SSX2IP: variants seen among roughly 807,000 people sequenced by gnomAD.
SSX2IP encodes afadin- and alpha-actinin-binding protein.
SSX2IP carries 55 observed loss-of-function variants against 84.9 expected under a neutral mutation model. The ratio of observed to expected loss-of-function variants is 0.65; its 90% confidence interval spans 0.52 to 0.81. The LOEUF (loss-of-function observed/expected upper bound fraction) is 0.81, where lower values mean the gene tolerates loss of function less well. Among genes scored for constraint, SSX2IP ranks in the 30% least tolerant of loss-of-function variants. The pLI is 0.00. For missense variants in SSX2IP, 664 were observed against 705.2 expected (o/e 0.94, Z 0.66); for synonymous variants, 239 against 234.7 (o/e 1.02, Z -0.17).
Position 84,647,114 on chromosome 1 carries a change from A to C in SSX2IP, c.*319T>G, listed in dbSNP as rs1275079756. The C allele has an allele frequency of 1.6e-5, 3 of 185,206 alleles. No homozygotes were observed. Among genetic ancestry groups the C allele is most frequent in the African/African-American group, 7.0e-5 (3 of 43,034 alleles). The allele number at this position is 185,206 out of a possible 1,614,324, so 11.5% of individuals were successfully genotyped here. A position where few individuals can be genotyped will look rare whatever the true frequency, so the allele number is the denominator to read the frequency against. ...TGAGACAAAATTAAACATTTACAATAATCAGTTTCCTAAAAGTGCTATTTT... is the reference window on the plus strand; with the variant it reads ...TGAGACAAAATTAAACATTTACAATCATCAGTTTCCTAAAAGTGCTATTTT... On this transcript the variant is annotated 3_prime_UTR_variant, in exon 14 of 14. Coordinates refer to ENST00000342203, the MANE Select transcript of SSX2IP (RefSeq NM_001166293.2).
At chr1:84,678,258 A>T (rs1002155454) in intron 1 of SSX2IP, among the ~76,000 whole-genome samples, 1 of 152,228 alleles carries the variant, frequency 6.6e-6, no homozygotes, top group African/African-American at 2.4e-5. Flanking sequence ...TTTGCAGCCA[A>T]CAGTACCTGA....
intron 1 of SSX2IP, among the ~76,000 whole-genome samples, chr1:84,671,881 T>C (rs537477857): frequency 6.6e-5 from 10 of 152,346 alleles, no homozygotes; most frequent in East Asian, 5.8e-4. Context: ...TTCAAAAATA[T>C]TATCCTAATA....
At chr1:84,651,180 G>A (rs182161335) in intron 12 of SSX2IP, among the ~76,000 whole-genome samples, 2 of 152,240 alleles carry the variant, frequency 1.3e-5, no homozygotes, top group Admixed American at 1.3e-4. Flanking sequence ...ATCTGGGTAT[G>A]GTGGTGTGTG....
chr1:84,667,709 A>G (rs1376356032), intron 4 of SSX2IP, among the ~76,000 whole-genome samples: 1 of 152,048 alleles, frequency 6.6e-6, no homozygotes, highest in Non-Finnish European at 1.5e-5. Context: ...TGGTTCCTCT[A>G]AAGTGCAGTG....
Position 84,658,402 on chromosome 1 carries a change from C to G in SSX2IP, c.994G>C (p.Glu332Gln). Reference sequence around the variant, plus strand: ...TTTGTAAGCTGCTCTCTCACAGTTTCACAGGAAAGGTCCCACATACTCTCT... The same window carrying G: ...TTTGTAAGCTGCTCTCTCACAGTTTGACAGGAAAGGTCCCACATACTCTCT... Reference protein sequence around the residue: ...SRESMWDLSCETVREQLTNSI... With the variant: ...SRESMWDLSCQTVREQLTNSI... Residue 332 changes from glutamate to glutamine, a missense_variant, in exon 9 of 14, where the codon GAA becomes CAA. Coordinates refer to ENST00000342203, the MANE Select transcript of SSX2IP (RefSeq NM_001166293.2). 1.2e-6 allele frequency: 2 copies of G among 1,614,134 alleles called. No homozygotes were observed. The highest frequency in any genetic ancestry group is 1.7e-6 in the Non-Finnish European group (2 of 1,180,028).
intron 13 of SSX2IP, chr1:84,649,872 C>A: frequency 2.0e-6 from 1 of 508,532 alleles, no homozygotes; most frequent in South Asian, 1.5e-5. Flanking sequence ...GGTGGAGAGC[C>A]ATGTTTTTTT....
intron 8 of SSX2IP, among the ~76,000 whole-genome samples, chr1:84,659,165 T>G (rs1397783661): frequency 6.6e-6 from 1 of 152,196 alleles, no homozygotes; most frequent in East Asian, 1.9e-4. Flanking sequence ...GGCAGAGAGA[T>G]ATACTTCACT....
chr1:84,654,355 G>A (rs1284974282), intron 11 of SSX2IP, among the ~76,000 whole-genome samples: 1 of 151,860 alleles, frequency 6.6e-6, no homozygotes, highest in African/African-American at 2.4e-5. Flanking sequence ...CTAAACACTA[G>A]GAGAAATGGA....
Position 84,671,221 on chromosome 1 carries a change from G to C in SSX2IP, c.-2C>G. On this transcript the variant is annotated 5_prime_UTR_variant, in exon 2 of 14. Coordinates refer to ENST00000342203, the MANE Select transcript of SSX2IP (RefSeq NM_001166293.2). ...TGTAACAGTCATCCAATCTCCCATAGCAATCTCTAGAGCCAGGATACCTGA... is the reference window on the plus strand; with the variant it reads ...TGTAACAGTCATCCAATCTCCCATACCAATCTCTAGAGCCAGGATACCTGA... The C allele has an allele frequency of 1.2e-6, 2 of 1,610,212 alleles. No homozygotes were observed. Among genetic ancestry groups the C allele is most frequent in the Non-Finnish European group, 1.7e-6 (2 of 1,178,060 alleles).
chr1:84,690,173 G>A (rs981580457), intron 1 of SSX2IP, 198 bp downstream of exon 1: 1 of 152,310 alleles, frequency 6.6e-6, no homozygotes, highest in Non-Finnish European at 1.5e-5. Flanking sequence ...CCTCCTCCAG[G>A]AGCGGCCCGG....
rs1192498260 is a variant in SSX2IP, at chr1:84,671,388, T to C, written c.-89-80A>G. The C allele has an allele frequency of 2.4e-6, 3 of 1,242,508 alleles. No homozygotes were observed. The African/African-American group carries it at 4.6e-5, about 19-fold the overall frequency. 77.0% of individuals were successfully genotyped at this position (1,242,508 alleles called of 1,614,324 possible). A position where few individuals can be genotyped will look rare whatever the true frequency, so the allele number is the denominator to read the frequency against. The stretch of plus-strand genomic sequence containing the variant: ...ATAAACCCAATGCTTAAGAATTAGT[T>C]GTATGTGCTTCAAAACAGAAGGATT... On this transcript the variant is annotated intron_variant, in intron 1 of 13. Coordinates refer to ENST00000342203, the MANE Select transcript of SSX2IP (RefSeq NM_001166293.2).
intron 1 of SSX2IP, among the ~76,000 whole-genome samples, chr1:84,672,626 CAAATA>C (rs1247470645): frequency 2.6e-5 from 4 of 152,112 alleles, no homozygotes; most frequent in Non-Finnish European, 4.4e-5. Context: ...TGTAATAAGC[CAAATA>C]AAATGTGTCT....
intron 1 of SSX2IP, among the ~76,000 whole-genome samples, chr1:84,672,842 T>C (rs1017581668): frequency 4.2e-4 from 64 of 152,242 alleles, no homozygotes; most frequent in African/African-American, 1.3e-3. Context: ...CTGGCCAACA[T>C]GGCGAAACCC....
intron 9 of SSX2IP, among the ~76,000 whole-genome samples, chr1:84,657,502 G>C (rs976333877): frequency 6.6e-6 from 1 of 152,048 alleles, no homozygotes; most frequent in African/African-American, 2.4e-5. Context: ...CAAGCATCTA[G>C]AAATAAGCAA....
intron 11 of SSX2IP, 190 bp from the exon 12 acceptor site, chr1:84,652,187 T>G: frequency 9.8e-6 from 5 of 509,416 alleles, no homozygotes; most frequent in Non-Finnish European, 1.4e-5. Flanking sequence ...TTTGGGAGGC[T>G]GAGGGTTGGT....
Position 84,658,363 on chromosome 1 carries a change from GT to G in SSX2IP, c.1032del (p.Lys344AsnfsTer6). 1.2e-6 allele frequency: 2 copies of G among 1,614,070 alleles called. No individual in the cohort carries two copies. Among genetic ancestry groups the G allele is most frequent in the Non-Finnish European group, 1.7e-6 (2 of 1,180,008 alleles). ...ACATGACTTTTCAAAATTCTCCACT[GT>G]TTTCTGATGCTGTTTGTAAGCTGCT... ...VREQLTNSIR[K>X]QWRILKSHVE... On this transcript the variant is annotated frameshift_variant, in exon 9 of 14. Transcript: ENST00000342203. LOFTEE classifies it high-confidence loss of function.
In SSX2IP at chr1:84,658,486, T is replaced by G; in HGVS notation, c.928-18A>C. 6.2e-7 allele frequency: 1 copy of G among 1,610,820 alleles called. No homozygotes were observed. Among genetic ancestry groups the G allele is most frequent in the Non-Finnish European group, 8.5e-7 (1 of 1,178,086 alleles). ...GAAATAACCTACAAGCGGAGAGAGA[T>G]GAAGAGGAAAGGCTAGTACCTTACA... is the stretch of plus-strand genomic sequence containing the variant. On this transcript the variant is annotated intron_variant, in intron 8 of 13. Transcript: ENST00000342203.
chr1:84,656,816 T>C lies in SSX2IP; in HGVS notation c.1079-332A>G, dbSNP rs1651192384. On this transcript the variant is annotated intron_variant, in intron 9 of 13. Coordinates refer to ENST00000342203, the MANE Select transcript of SSX2IP (RefSeq NM_001166293.2). ...ACAATTTGTAATCCATATTTATTCATGATTATGTCCTAATTAAAAACAGAC... is the reference window on the plus strand; with the variant it reads ...ACAATTTGTAATCCATATTTATTCACGATTATGTCCTAATTAAAAACAGAC... 2.0e-5 allele frequency among the ~76,000 whole-genome samples: 3 copies of C among 152,304 alleles called. No homozygotes were observed. In the South Asian group the frequency reaches 6.2e-4, roughly 32 times the overall value.
At chr1:84,685,116 TA>T (rs1250093575) in intron 1 of SSX2IP, among the ~76,000 whole-genome samples, 1 of 152,214 alleles carries the variant, frequency 6.6e-6, no homozygotes, top group Non-Finnish European at 1.5e-5. Context: ...TAAAATGCTT[TA>T]AATACATATA....
Sources: gnomAD v4.1 joint callset for allele counts (sites outside exome capture counted in the v4.1 genomes callset) on GRCh38, gnomAD v4.1.1 for gene constraint, MANE v1.5 for transcripts, NCBI Gene and HGNC (gene_info 2026-07-23, HGNC 2026-07-21) for gene names.